PITPNM2: variants seen among roughly 807,000 people sequenced by gnomAD.
The protein encoded by PITPNM2 is membrane-associated phosphatidylinositol transfer protein 2.
PITPNM2 carries 35 observed loss-of-function variants against 132.2 expected under a neutral mutation model. The observed-to-expected ratio is 0.26, with a 90% confidence interval of 0.20 to 0.35. PITPNM2 has a LOEUF of 0.35. PITPNM2 is among the 10% of genes least tolerant of loss of function. The pLI is 1.00. For missense variants in PITPNM2, 1,332 were observed against 1,912.0 expected (o/e 0.70, Z 5.66); for synonymous variants, 738 against 799.2 (o/e 0.92, Z 1.29).
At chr12:123,010,223 G>C in intron 5 of PITPNM2, 146 bp from the exon 6 acceptor site, 1 of 662,624 alleles carries the variant, frequency 1.5e-6, no homozygotes, top group Non-Finnish European at 2.6e-6. Context: ...CATGTTCTGG[G>C]CAGCTCTGAC....
rs1442269524 is a variant in PITPNM2, at chr12:123,106,354, CT to C, written c.-96+4030del. On this transcript the variant is annotated intron_variant, in intron 2 of 25. Coordinates refer to ENST00000320201, the MANE Select transcript of PITPNM2 (RefSeq NM_020845.3). This position sits in a 1 kb window ranked among gnomAD's most constrained non-coding sequence, Gnocchi z 4.4. ...AGTGAGCCATGATCACACCACTGCA[CT>C]CCAGCCTGGGTGGCAGAGCAAGACT... 6.6e-6 allele frequency among the ~76,000 whole-genome samples: 1 copy of C among 152,046 alleles called. No individual in the cohort carries two copies. Among genetic ancestry groups the C allele is most frequent in the South Asian group, 2.1e-4 (1 of 4,824 alleles).
rs554512443 is a variant in PITPNM2 at position 122,986,228 on chromosome 12, C to T, written c.3849G>A (p.Gln1283=). 1.3e-6 allele frequency: 2 copies of T among 1,570,538 alleles called. No individual in the cohort carries two copies. Among genetic ancestry groups the T allele is most frequent in the African/African-American group, 2.7e-5 (2 of 74,490 alleles). ...LRKGSFGLPG[Q]GDFLRSRNHL... is the part of the protein sequence containing the mutation. ...GGTTCCGGGAGCGCAGAAAGTCGCC[C>T]TGGCCGGGCAGGCCGAAGCTGCCCT... The change falls in exon 26 of 26, where the codon CAG becomes CAA. Residue 1283 remains glutamine, a synonymous_variant. Coordinates refer to ENST00000320201, the MANE Select transcript of PITPNM2 (RefSeq NM_020845.3).
At chr12:123,102,195 G>C (rs1048940870) in intron 2 of PITPNM2, among the ~76,000 whole-genome samples, 1 of 152,200 alleles carries the variant, frequency 6.6e-6, no homozygotes, top group Non-Finnish European at 1.5e-5. Context: ...GAGAAGGCTG[G>C]GGAGAGGAAG....
In PITPNM2 at chr12:122,992,483, G is replaced by A. The variant is rs1445807552; in HGVS notation, c.2404+16C>T. 1.1e-5 allele frequency: 18 copies of A among 1,604,332 alleles called. No individual in the cohort carries two copies. The highest frequency in any genetic ancestry group is 2.3e-5 in the East Asian group (1 of 44,116). On this transcript the variant is annotated intron_variant, in intron 16 of 25. Coordinates refer to ENST00000320201, the MANE Select transcript of PITPNM2 (RefSeq NM_020845.3). The surrounding 1 kb of genome is among the most constrained non-coding windows in gnomAD (Gnocchi z 6.5). ...CCACCTTCCCCCAGAGGAGTGGGGC[G>A]GAATGTGCCTCTCACCCAGCAGCGT...
rs1305228136 is a variant in PITPNM2 at position 123,097,584 on chromosome 12, C to A, written c.-96+12801G>T. On this transcript the variant is annotated intron_variant, in intron 2 of 25. Coordinates refer to ENST00000320201, the MANE Select transcript of PITPNM2 (RefSeq NM_020845.3). This position sits in a 1 kb window ranked among gnomAD's most constrained non-coding sequence, Gnocchi z 4.7. ...GTGATGGCATGGATGGGGAGGGGTTCCAGCAGACTTATTTATAGCCAAGCA... is the reference window on the plus strand; with the variant it reads ...GTGATGGCATGGATGGGGAGGGGTTACAGCAGACTTATTTATAGCCAAGCA... 6.6e-6 allele frequency among the ~76,000 whole-genome samples: 1 copy of A among 152,198 alleles called. No homozygotes were observed. The highest frequency in any genetic ancestry group is 2.4e-5 in the African/African-American group (1 of 41,442).
chr12:123,056,349 G>A (rs889746286), intron 2 of PITPNM2, among the ~76,000 whole-genome samples: 18 of 152,234 alleles, frequency 1.2e-4, no homozygotes, highest in African/African-American at 4.3e-4. Flanking sequence ...ATGGAGGCGT[G>A]TAGGCTTATG....
At position 122,987,918 on chromosome 12, in the gene PITPNM2, A is replaced by G. The variant is rs770731708; in HGVS notation, c.2998-17T>C. 4.4e-6 allele frequency: 7 copies of G among 1,601,566 alleles called. No individual in the cohort carries two copies. The African/African-American group carries it at 9.4e-5, about 21-fold the overall frequency. ...CGTCACGTTCTGTGGAGGGAGTGGC[A>G]AGCCCAGGTCAGGGGGTCGGAGGGC... is the stretch of plus-strand genomic sequence containing the variant. On this transcript the variant is annotated splice_polypyrimidine_tract_variant and intron_variant, in intron 20 of 25. Transcript: ENST00000320201.
chr12:122,999,111 C>T (rs1370648333), intron 10 of PITPNM2, among the ~76,000 whole-genome samples: 1 of 89,742 alleles, frequency 1.1e-5, no homozygotes, highest in East Asian at 2.9e-4. Context: ...ACCCTGTCTC[C>T]AAAAAAAAAA....
In PITPNM2 at chr12:123,057,209, C is replaced by T. The variant is rs993595075; in HGVS notation, c.-95-22524G>A. Among the ~76,000 whole-genome samples the T allele has an allele frequency of 2.6e-5, 4 of 151,752 alleles. No homozygotes were observed. The South Asian group carries it at 6.3e-4, about 24-fold the overall frequency. The stretch of plus-strand genomic sequence containing the variant: ...CAGCCTGACCAACACGGAGAAACCC[C>T]GTCTCTACTAAAAATACAAAATTAG... On this transcript the variant is annotated intron_variant, in intron 2 of 25. Coordinates refer to ENST00000320201, the MANE Select transcript of PITPNM2 (RefSeq NM_020845.3).
chr12:123,073,259 T>G (rs1592992437), intron 2 of PITPNM2, among the ~76,000 whole-genome samples: 1 of 152,192 alleles, frequency 6.6e-6, no homozygotes, highest in Non-Finnish European at 1.5e-5. Context: ...ATTGCAAAAC[T>G]AACATAAGAA....
chr12:123,045,146 C>T, intron 2 of PITPNM2, among the ~76,000 whole-genome samples: 1 of 152,184 alleles, frequency 6.6e-6, no homozygotes, highest in Non-Finnish European at 1.5e-5. Flanking sequence ...CCTAATGGAC[C>T]TCCTCATTCA....
chr12:123,140,020 G>C (rs542748920), intron 1 of PITPNM2, among the ~76,000 whole-genome samples: 2 of 152,282 alleles, frequency 1.3e-5, no homozygotes, highest in South Asian at 4.1e-4. Context: ...GCACCCCACA[G>C]GCTGGCTGGG....
intron 3 of PITPNM2, among the ~76,000 whole-genome samples, chr12:123,033,496 T>C (rs2040162962): frequency 6.6e-6 from 1 of 152,204 alleles, no homozygotes; most frequent in African/African-American, 2.4e-5. Flanking sequence ...AGCAAGAGTC[T>C]CTGGCTCGTC....
intron 3 of PITPNM2, among the ~76,000 whole-genome samples, chr12:123,015,616 A>T (rs1190396118): frequency 6.6e-6 from 1 of 152,180 alleles, no homozygotes; most frequent in African/African-American, 2.4e-5. Flanking sequence ...GTAGTTTAAA[A>T]AAAGAAATAA....
intron 1 of PITPNM2, among the ~76,000 whole-genome samples, chr12:123,127,432 T>G (rs1180511873): frequency 6.6e-6 from 1 of 152,198 alleles, no homozygotes; most frequent in African/African-American, 2.4e-5. Context: ...TGGTTTCCAC[T>G]GACGCATAGA....
rs573283015 is a variant in PITPNM2 at position 123,094,762 on chromosome 12, G to A, written c.-96+15623C>T. Among the ~76,000 whole-genome samples the A allele has an allele frequency of 1.8e-4, 28 of 152,276 alleles. No homozygotes were observed. The South Asian group carries it at 5.4e-3, about 29-fold the overall frequency. The stretch of plus-strand genomic sequence containing the variant: ...GAAGCAGCTCCCAGGTGGGGCCGAG[G>A]GCAGGGAAGGCCAGGTTCCCATCTA... On this transcript the variant is annotated intron_variant, in intron 2 of 25. Transcript: ENST00000320201.
chr12:123,005,174 C>G lies in PITPNM2; in HGVS notation c.952+66G>C. ...ACTCTGAGGAGGTGCAGTGATCCAG[C>G]AGTGTGTGGGGCTGCCTTGAGGGGA... On this transcript the variant is annotated intron_variant, in intron 7 of 25. Transcript: ENST00000320201. The surrounding 1 kb of genome is among the most constrained non-coding windows in gnomAD (Gnocchi z 6.2). 6.5e-7 allele frequency: 1 copy of G among 1,527,612 alleles called. No homozygotes were observed. Among genetic ancestry groups the G allele is most frequent in the Non-Finnish European group, 8.9e-7 (1 of 1,124,238 alleles). The allele number at this position is 1,527,612 out of a possible 1,614,324, so 94.6% of individuals were successfully genotyped here. A position where few individuals can be genotyped will look rare whatever the true frequency, so the allele number is the denominator to read the frequency against.
At chr12:123,013,276 A>G (rs1465942658) in intron 4 of PITPNM2, among the ~76,000 whole-genome samples, 5 of 152,232 alleles carry the variant, frequency 3.3e-5, no homozygotes, top group African/African-American at 7.2e-5. Context: ...TCAGCAGTAG[A>G]CAGCTTGTGG....
intron 1 of PITPNM2, among the ~76,000 whole-genome samples, chr12:123,142,882 GA>G (rs60824594): frequency 0.68 from 95,715 of 141,000 alleles, 34,084 homozygotes; most frequent in East Asian, 0.96. Context: ...TCCCTCTTAT[GA>G]AAAAAAAAAA....
Sources: gnomAD v4.1 joint callset for allele counts (sites outside exome capture counted in the v4.1 genomes callset) on GRCh38, gnomAD v4.1.1 for gene constraint, Gnocchi (gnomAD v3.1) non-coding constraint, MANE v1.5 for transcripts, NCBI Gene and HGNC (gene_info 2026-07-23, HGNC 2026-07-21) for gene names.